Variants in GLIPR1L2 observed in about 807,000 individuals in gnomAD.
GLIPR1L2 encodes GLIPR1-like protein 2.
Under a neutral mutation model 28.4 loss-of-function variants are expected in GLIPR1L2, and 21 were observed. That is an observed-to-expected ratio of 0.74 (90% CI 0.52 to 1.06). The LOEUF is 1.06. Ranked by LOEUF, GLIPR1L2 falls within the 50% of genes least tolerant of loss-of-function variation. The probability of loss-of-function intolerance (pLI) is 0.00; values close to 1 mark genes in which losing one functional copy is unlikely to be tolerated. For synonymous variants in GLIPR1L2, 145 were observed against 139.3 expected (o/e 1.04, Z -0.29); for missense variants, 476 against 416.9 (o/e 1.14, Z -1.23).
At chr12:75,393,777 A>G (rs1340258725) in intron 1 of GLIPR1L2, among the ~76,000 whole-genome samples, 1 of 151,998 alleles carries the variant, frequency 6.6e-6, no homozygotes, top group Non-Finnish European at 1.5e-5. Flanking sequence ...GAATTGCTGT[A>G]TCATATGATA....
intron 3 of GLIPR1L2, among the ~76,000 whole-genome samples, chr12:75,420,587 GCTT>G (rs59138583): frequency 0.022 from 3,344 of 152,252 alleles, 109 homozygotes; most frequent in African/African-American, 0.076. Flanking sequence ...CCACTGGTCT[GCTT>G]CTTAGAAAAT....
intron 4 of GLIPR1L2, chr12:75,423,378 T>G: frequency 1.0e-6 from 1 of 1,002,880 alleles, no homozygotes; most frequent in Non-Finnish European, 1.2e-6. Flanking sequence ...CTTTTAGTTT[T>G]TCCTCCAAAA....
chr12:75,430,913 T>C lies in GLIPR1L2; in HGVS notation c.787T>C (p.Cys263Arg), dbSNP rs575130692. The change falls in exon 6 of 6, where the codon TGT becomes CGT. Residue 263 changes from cysteine to arginine, a missense_variant. Physicochemically the swap from Cys to Arg is radical, Grantham distance 180 (BLOSUM62 -3). Coordinates refer to ENST00000550916, the MANE Select transcript of GLIPR1L2 (RefSeq NM_001270396.2). ...CTFILLLRILCFILCVITVLI... is the reference protein window; with the variant it reads ...CTFILLLRILRFILCVITVLI... ...ATTCATTTTATTATTGAGAATATTA[T>C]GTTTTATCCTGTGTGTCATAACTGT... 1.6e-5 allele frequency: 24 copies of C among 1,535,806 alleles called. No individual in the cohort carries two copies. The African/African-American group carries it at 2.3e-4, about 15-fold the overall frequency.
intron 3 of GLIPR1L2, among the ~76,000 whole-genome samples, chr12:75,420,798 G>A (rs2045968923): frequency 1.3e-5 from 2 of 152,154 alleles, no homozygotes; most frequent in African/African-American, 4.8e-5. Flanking sequence ...TTAACATAGG[G>A]GAGGGTATTA....
intron 3 of GLIPR1L2, among the ~76,000 whole-genome samples, chr12:75,413,930 T>G (rs1013682912): frequency 4.6e-5 from 7 of 152,046 alleles, no homozygotes; most frequent in Non-Finnish European, 1.0e-4. Context: ...CACTTTAGTA[T>G]TATTTCACAA....
intron 3 of GLIPR1L2, among the ~76,000 whole-genome samples, chr12:75,414,166 A>G (rs538191516): frequency 6.6e-6 from 1 of 152,054 alleles, no homozygotes; most frequent in Non-Finnish European, 1.5e-5. Flanking sequence ...GTAACATCTC[A>G]GAGATTGAAA....
chr12:75,416,248 T>C (rs2045922450), intron 3 of GLIPR1L2, among the ~76,000 whole-genome samples: 1 of 152,218 alleles, frequency 6.6e-6, no homozygotes, highest in South Asian at 2.1e-4. Flanking sequence ...TCTATTTGGG[T>C]ATATTAGATA....
At chr12:75,428,743 A>G (rs2046060355) in intron 4 of GLIPR1L2, among the ~76,000 whole-genome samples, 1 of 152,224 alleles carries the variant, frequency 6.6e-6, no homozygotes, top group Non-Finnish European at 1.5e-5. Flanking sequence ...GCCTTGGGAC[A>G]TGGTTCCCTG....
intron 1 of GLIPR1L2, among the ~76,000 whole-genome samples, chr12:75,405,303 T>G (rs1255256255): frequency 6.6e-6 from 1 of 152,192 alleles, no homozygotes; most frequent in Admixed American, 6.5e-5. Context: ...CTACAACAGT[T>G]ACTACTGTTA....
chr12:75,393,857 C>G (rs35773117), intron 1 of GLIPR1L2, among the ~76,000 whole-genome samples: 26,871 of 151,904 alleles, frequency 0.18, 2,632 homozygotes, highest in Admixed American at 0.24. Context: ...ACATTCCCAC[C>G]AAGAATGTTC....
At chr12:75,427,840 G>T (rs2046049781) in intron 4 of GLIPR1L2, among the ~76,000 whole-genome samples, 1 of 152,160 alleles carries the variant, frequency 6.6e-6, no homozygotes, top group South Asian at 2.1e-4. Flanking sequence ...GATGTGCCTT[G>T]CTTCCCCTTC....
At chr12:75,404,194 A>G (rs973212189) in intron 1 of GLIPR1L2, among the ~76,000 whole-genome samples, 17 of 152,128 alleles carry the variant, frequency 1.1e-4, no homozygotes, top group Admixed American at 1.1e-3. Context: ...TAAGATCTCT[A>G]TATATGTCTC....
intron 1 of GLIPR1L2, among the ~76,000 whole-genome samples, chr12:75,397,463 C>T (rs1302275091): frequency 6.6e-6 from 1 of 151,964 alleles, no homozygotes; most frequent in Non-Finnish European, 1.5e-5. Context: ...CTATCCTATG[C>T]TTATTTTCAG....
intron 3 of GLIPR1L2, among the ~76,000 whole-genome samples, chr12:75,414,652 C>T (rs2139949602): frequency 6.6e-6 from 1 of 152,150 alleles, no homozygotes; most frequent in South Asian, 2.1e-4. Flanking sequence ...TTTTAGGTGT[C>T]CTTTCACTCC....
At chr12:75,425,053 T>A (rs1237213074) in intron 4 of GLIPR1L2, among the ~76,000 whole-genome samples, 1 of 151,776 alleles carries the variant, frequency 6.6e-6, no homozygotes, top group Non-Finnish European at 1.5e-5. Flanking sequence ...CATAGAGATG[T>A]GGCCATGTGT....
chr12:75,429,932 T>G (rs538703268), intron 4 of GLIPR1L2, among the ~76,000 whole-genome samples: 2 of 90,780 alleles, frequency 2.2e-5, no homozygotes, highest in Non-Finnish European at 5.2e-5. Context: ...TTCTTTTCTT[T>G]TCTTTCTTTT....
chr12:75,411,768 T>C (rs186421282), intron 2 of GLIPR1L2, among the ~76,000 whole-genome samples: 55 of 152,142 alleles, frequency 3.6e-4, no homozygotes, highest in Non-Finnish European at 5.9e-4. Context: ...CTTTATTTCT[T>C]TAAGAATCAC....
chr12:75,419,878 A>G, intron 3 of GLIPR1L2, among the ~76,000 whole-genome samples: 1 of 152,230 alleles, frequency 6.6e-6, no homozygotes. Context: ...AATTTTTGGC[A>G]AAGACAAATA....
rs76860123 is a variant in GLIPR1L2 at position 75,406,704 on chromosome 12, G to A, written c.235-3730G>A. ...GCCCGGGAGTTTGAGGCTACATTGA[G>A]CCACAATCACACTACTGCATTCTAG... On this transcript the variant is annotated intron_variant, in intron 1 of 5. Coordinates refer to ENST00000550916, the MANE Select transcript of GLIPR1L2 (RefSeq NM_001270396.2). Among the ~76,000 whole-genome samples the A allele has an allele frequency of 8.9e-3, 1,297 of 145,476 alleles. 21 individuals are homozygous for A. Among genetic ancestry groups the A allele is most frequent in the African/African-American group, 0.031 (1,228 of 39,182 alleles).
Sources: allele counts gnomAD v4.1 joint callset (sites outside exome capture counted in the v4.1 genomes callset), GRCh38; gene constraint gnomAD v4.1.1; transcripts MANE v1.5; gene names NCBI Gene and HGNC (gene_info 2026-07-23, HGNC 2026-07-21).